ADAMDEC1: variants seen among roughly 807,000 people sequenced by gnomAD.
ADAMDEC1 encodes the protein ADAM DEC1.
A neutral mutation model predicts 60.4 loss-of-function variants in ADAMDEC1; 62 were observed. The ratio of observed to expected loss-of-function variants is 1.03; its 90% CI spans 0.84 to 1.27. ADAMDEC1 has a LOEUF of 1.27. ADAMDEC1 is among the 50% of genes most tolerant of loss of function. The pLI, the probability that ADAMDEC1 is intolerant of heterozygous loss-of-function variation, is 0.00. For synonymous variants in ADAMDEC1, 210 were observed against 195.1 expected (o/e 1.08, Z -0.64); for missense variants, 595 against 565.0 (o/e 1.05, Z -0.54).
Position 24,402,052 on chromosome 8 carries a change from T to C in ADAMDEC1, c.1280T>C (p.Leu427Pro), listed in dbSNP as rs1327160563. 1 of 1,612,846 alleles carries C rather than the reference T, an allele frequency of 6.2e-7. No individual in the cohort carries two copies. Among genetic ancestry groups the C allele is most frequent in the Non-Finnish European group, 8.5e-7 (1 of 1,179,158 alleles). Reference protein sequence around the residue: ...IMTTPVCGNHLLEVGEDCDCG... With the variant: ...IMTTPVCGNHPLEVGEDCDCG... Reference sequence around the variant, plus strand: ...ACAACACCAGTGTGTGGGAACCACCTTCTAGAAGTGGGAGAAGACTGTGAT... The same window carrying C: ...ACAACACCAGTGTGTGGGAACCACCCTCTAGAAGTGGGAGAAGACTGTGAT... The change falls in exon 12 of 14, where the codon CTT becomes CCT. Residue 427 changes from leucine (L) to proline (P), a missense_variant. Coordinates refer to ENST00000256412, the MANE Select transcript of ADAMDEC1 (RefSeq NM_014479.3).
intron 1 of ADAMDEC1, among the ~76,000 whole-genome samples, chr8:24,390,579 G>T (rs1292783004): frequency 6.6e-6 from 1 of 152,080 alleles, no homozygotes; most frequent in African/African-American, 2.4e-5. Context: ...AATTAGCCAG[G>T]TGTGGTGGTA....
intron 5 of ADAMDEC1, among the ~76,000 whole-genome samples, chr8:24,396,429 A>G (rs1044436274): frequency 3.9e-4 from 59 of 152,140 alleles, no homozygotes; most frequent in Admixed American, 1.8e-3. Flanking sequence ...GGAGAATGGC[A>G]TGAACCCAGG....
At position 24,404,030 on chromosome 8, in the gene ADAMDEC1, C is replaced by G; in HGVS notation, c.1348C>G (p.Leu450Val). The change falls in exon 13 of 14, where the codon CTA (leucine) becomes GTA (valine). Residue 450 changes from leucine (L) to valine (V), a missense_variant. Physicochemically the swap from Leu to Val is conservative, Grantham distance 32. Coordinates refer to ENST00000256412, the MANE Select transcript of ADAMDEC1 (RefSeq NM_014479.3). ...GTGTACCAATCTCTGCTGTGAAGCCCTAACGTGTAAACTGAAGCCTGGAAC... is the reference window on the plus strand; with the variant it reads ...GTGTACCAATCTCTGCTGTGAAGCCGTAACGTGTAAACTGAAGCCTGGAAC... ...KECTNLCCEA[L>V]TCKLKPGTDC... 1 of 1,613,700 alleles carries G rather than the reference C, an allele frequency of 6.2e-7. No individual in the cohort carries two copies. The highest frequency in any genetic ancestry group is 1.7e-4 in the Middle Eastern group (1 of 6,058).
intron 12 of ADAMDEC1, among the ~76,000 whole-genome samples, chr8:24,403,751 A>G (rs1025737997): frequency 5.9e-5 from 9 of 152,108 alleles, no homozygotes; most frequent in Non-Finnish European, 1.3e-4. Context: ...CACATCATAC[A>G]TCTAGACAAA....
At chr8:24,399,770 G>A (rs568044560) in intron 10 of ADAMDEC1, among the ~76,000 whole-genome samples, 4 of 152,226 alleles carry the variant, frequency 2.6e-5, no homozygotes, top group African/African-American at 9.6e-5. Context: ...GCTAATACTA[G>A]TCATCCCCAG....
In ADAMDEC1 at chr8:24,405,295, G is replaced by A. The variant is rs762597504; in HGVS notation, c.1410G>A (p.Glu470=). ...ATTTTATTTTTCCTTCAATCAGAGA[G>A]TGAATCCAAAAGTCTGCTTCACTGA... ...CGGDAPNHTT[E] is the part of the protein sequence containing the mutation. Residue 470 remains glutamate, a synonymous_variant, in exon 14 of 14, where the codon GAG becomes GAA. Coordinates refer to ENST00000256412, the MANE Select transcript of ADAMDEC1 (RefSeq NM_014479.3). 6.2e-7 allele frequency: 1 copy of A among 1,612,644 alleles called. No homozygotes were observed. Among genetic ancestry groups the A allele is most frequent in the South Asian group, 1.1e-5 (1 of 90,914 alleles).
At chr8:24,400,041 G>GC in intron 10 of ADAMDEC1, 129 bp from the exon 11 acceptor site, 1 of 690,526 alleles carries the variant, frequency 1.4e-6, no homozygotes, top group Non-Finnish European at 2.2e-6. Context: ...TCAACGTTTT[G>GC]CAATACACAG....
intron 11 of ADAMDEC1, among the ~76,000 whole-genome samples, chr8:24,400,779 C>G (rs1045205222): frequency 1.5e-4 from 17 of 115,478 alleles, no homozygotes; most frequent in Non-Finnish European, 1.6e-4. Flanking sequence ...CTAATGCTAT[C>G]CCTCCCCCTC....
chr8:24,404,119 C>T (rs374912543), intron 13 of ADAMDEC1, 31 bp downstream of exon 13: 246 of 1,587,048 alleles, frequency 1.6e-4, no homozygotes, highest in Non-Finnish European at 2.0e-4. Context: ...TGTTCCAAAA[C>T]GTTTTCTCAC....
intron 1 of ADAMDEC1, chr8:24,390,096 A>G (rs1214681034): frequency 4.3e-6 from 2 of 468,586 alleles, no homozygotes; most frequent in Admixed American, 4.8e-5. Flanking sequence ...GCATGGATCA[A>G]TGTCTATTCT....
At chr8:24,401,879 G>A in intron 11 of ADAMDEC1, 36 bp from the exon 12 acceptor site, 2 of 1,523,440 alleles carry the variant, frequency 1.3e-6, no homozygotes, top group African/African-American at 1.4e-5. Flanking sequence ...GCACCACACT[G>A]TATATCATAT....
intron 6 of ADAMDEC1, 109 bp from the exon 7 acceptor site, chr8:24,397,574 C>T: frequency 6.9e-7 from 1 of 1,456,714 alleles, no homozygotes; most frequent in East Asian, 2.4e-5. Flanking sequence ...AATTTATTTA[C>T]TTATTTTTCT....
intron 1 of ADAMDEC1, among the ~76,000 whole-genome samples, chr8:24,389,028 T>G (rs757986126): frequency 6.6e-5 from 10 of 152,144 alleles, no homozygotes; most frequent in Non-Finnish European, 1.2e-4. Context: ...AATTGAGGTA[T>G]GATAGCATTA....
chr8:24,399,170 A>G lies in ADAMDEC1; in HGVS notation c.929+130A>G, dbSNP rs1817695527. ...AGTGCTTGACATTTTACCACTAGCAATTCACCTGTGACATTATTGGATCAA... is the reference window on the plus strand; with the variant it reads ...AGTGCTTGACATTTTACCACTAGCAGTTCACCTGTGACATTATTGGATCAA... On this transcript the variant is annotated intron_variant, in intron 9 of 13. Coordinates refer to ENST00000256412, the MANE Select transcript of ADAMDEC1 (RefSeq NM_014479.3). The G allele has an allele frequency of 7.2e-6, 8 of 1,106,650 alleles. No individual in the cohort carries two copies. The South Asian group carries it at 1.3e-4, about 18-fold the overall frequency. 68.6% of individuals were successfully genotyped at this position (1,106,650 alleles called of 1,614,324 possible). A position where few individuals can be genotyped will look rare whatever the true frequency, so the allele number is the denominator to read the frequency against.
At chr8:24,398,843 A>G (rs779628719) in intron 8 of ADAMDEC1, 31 bp from the exon 9 acceptor site, 3 of 1,604,918 alleles carry the variant, frequency 1.9e-6, no homozygotes, top group African/African-American at 2.7e-5. Flanking sequence ...AATCCTGAAC[A>G]TTTTTATGAA....
At chr8:24,404,578 T>C (rs1585818455) in intron 13 of ADAMDEC1, among the ~76,000 whole-genome samples, 1 of 152,190 alleles carries the variant, frequency 6.6e-6, no homozygotes, top group African/African-American at 2.4e-5. Context: ...CTGTGTCTTA[T>C]ACAATCCTAT....
At chr8:24,393,398 CTT>C in intron 3 of ADAMDEC1, 60 bp downstream of exon 3, 1 of 1,154,888 alleles carries the variant, frequency 8.7e-7, no homozygotes, top group Non-Finnish European at 1.3e-6. Context: ...GGGGAGCAAT[CTT>C]TTTGAGGCTC....
At chr8:24,405,085 T>C (rs893994335) in intron 13 of ADAMDEC1, among the ~76,000 whole-genome samples, 2 of 152,196 alleles carry the variant, frequency 1.3e-5, no homozygotes, top group African/African-American at 4.8e-5. Flanking sequence ...ATTCTAGTCT[T>C]TTCTGTCAGA....
chr8:24,398,923 G>T lies in ADAMDEC1; in HGVS notation c.812G>T (p.Trp271Leu). The change falls in exon 9 of 14, where the codon TGG (tryptophan) becomes TTG (leucine). Residue 271 changes from tryptophan to leucine, a missense_variant. Trp to Leu is a moderately conservative substitution (Grantham distance 61). Coordinates refer to ENST00000256412, the MANE Select transcript of ADAMDEC1 (RefSeq NM_014479.3). The stretch of plus-strand genomic sequence containing the variant: ...GTGGCCTTGGTAGGTATGGAAATCT[G>T]GTCTGATGGGGATAAGATAAAGGTG... ...VQVALVGMEI[W>L]SDGDKIKVVP... The T allele has an allele frequency of 6.2e-7, 1 of 1,613,812 alleles. No homozygotes were observed.
Sources: gnomAD v4.1 joint callset for allele counts (sites outside exome capture counted in the v4.1 genomes callset) on GRCh38, gnomAD v4.1.1 for gene constraint, MANE v1.5 for transcripts, NCBI Gene and HGNC (gene_info 2026-07-23, HGNC 2026-07-21) for gene names.